Variants in GRIN2A observed in about 807,000 individuals in gnomAD.
GRIN2A encodes glutamate receptor ionotropic, NMDA 2A.
A neutral mutation model predicts 113.4 loss-of-function variants in GRIN2A; 22 were observed. The ratio of observed to expected loss-of-function variants is 0.19; its 90% CI spans 0.14 to 0.28. The LOEUF (loss-of-function observed/expected upper bound fraction) is 0.28, where lower values mean the gene tolerates loss of function less well. GRIN2A is among the 10% of genes least tolerant of loss of function. The pLI, the probability that GRIN2A is intolerant of heterozygous loss-of-function variation, is 1.00. For missense variants in GRIN2A, 1,502 were observed against 1,887.0 expected (o/e 0.80, Z 3.78); for synonymous variants, 827 against 738.4 (o/e 1.12, Z -1.94).
At chr16:9,972,480 T>A (rs2045692031) in intron 2 of GRIN2A, among the ~76,000 whole-genome samples, 1 of 152,044 alleles carries the variant, frequency 6.6e-6, no homozygotes, top group Non-Finnish European at 1.5e-5. Flanking sequence ...GATCCAGGTG[T>A]TAAAGCAGCT....
intron 5 of GRIN2A, among the ~76,000 whole-genome samples, chr16:9,845,576 C>T (rs911631929): frequency 6.6e-6 from 1 of 152,126 alleles, no homozygotes; most frequent in African/African-American, 2.4e-5. Context: ...CACATCATCC[C>T]CTCCATCCTC....
At chr16:10,100,087 G>A (rs529287630) in intron 2 of GRIN2A, among the ~76,000 whole-genome samples, 1 of 152,324 alleles carries the variant, frequency 6.6e-6, no homozygotes, top group South Asian at 2.1e-4. Context: ...GACAGGTGAA[G>A]GGGGGACATG....
chr16:10,055,412 A>C (rs1411109024), intron 2 of GRIN2A, among the ~76,000 whole-genome samples: 1 of 152,198 alleles, frequency 6.6e-6, no homozygotes, highest in African/African-American at 2.4e-5. Context: ...GCATGTCTGA[A>C]ATATTCCACC....
intron 2 of GRIN2A, among the ~76,000 whole-genome samples, chr16:10,074,942 G>A (rs868664676): frequency 6.6e-6 from 1 of 152,074 alleles, no homozygotes; most frequent in East Asian, 1.9e-4. Flanking sequence ...ATTTCTCCTT[G>A]CTGGCCTAAG....
intron 10 of GRIN2A, among the ~76,000 whole-genome samples, chr16:9,799,608 T>C (rs1428318078): frequency 6.6e-6 from 1 of 152,242 alleles, no homozygotes; most frequent in Non-Finnish European, 1.5e-5. Context: ...TAAAATGTTA[T>C]TTAGGAAAAC....
chr16:9,757,625 A>G lies in GRIN2A; in HGVS notation c.*5524T>C, dbSNP rs185904928. ...TAAAGTGGACATTCAGTGAAGTCCT[A>G]TTAGCTGGTCAATGTGCTTGGTTCT... On this transcript the variant is annotated 3_prime_UTR_variant, in exon 13 of 13. Transcript: ENST00000330684. 9.9e-5 allele frequency: 22 copies of G among 222,634 alleles called. No homozygotes were observed. The highest frequency in any genetic ancestry group is 4.9e-4 in the African/African-American group (22 of 44,874). The allele number at this position is 222,634 out of a possible 1,614,324, so 13.8% of individuals were successfully genotyped here.
intron 2 of GRIN2A, among the ~76,000 whole-genome samples, chr16:10,055,742 C>G (rs564406991): frequency 8.5e-5 from 13 of 152,218 alleles, no homozygotes; most frequent in Non-Finnish European, 1.3e-4. Flanking sequence ...CCAATGTAGC[C>G]CAAATTTAGG....
intron 10 of GRIN2A, among the ~76,000 whole-genome samples, chr16:9,813,538 C>A (rs1201386672): frequency 1.9e-4 from 25 of 131,614 alleles, no homozygotes; most frequent in Non-Finnish European, 3.3e-4. Flanking sequence ...TTTTTTCCGT[C>A]TCTGAGTTTA....
At chr16:9,954,861 GTCC>G (rs1249977604) in intron 2 of GRIN2A, among the ~76,000 whole-genome samples, 1 of 152,156 alleles carries the variant, frequency 6.6e-6, no homozygotes, top group African/African-American at 2.4e-5. Context: ...ATGAGTCAAA[GTCC>G]TCCTTTCTCC....
At position 10,155,370 on chromosome 16, in the gene GRIN2A, T is replaced by A. The variant is rs1192949337; in HGVS notation, c.414+24628A>T. Among the ~76,000 whole-genome samples the A allele has an allele frequency of 2.6e-5, 4 of 152,252 alleles. No homozygotes were observed. In the East Asian group the frequency reaches 5.8e-4, roughly 22 times the overall value. On this transcript the variant is annotated intron_variant, in intron 2 of 12. Transcript: ENST00000330684. ...TTCATCAGCACCAGTAATCAACATC[T>A]GATGGGCCAGGAGACCCATGGGACT...
rs1555469303 is a variant in GRIN2A at position 10,039,813 on chromosome 16, A to AGAGAGAGAGAGAGAGAGAGAGAG, written c.415-101263_415-101262insCTCTCTCTCTCTCTCTCTCTCTC. The stretch of plus-strand genomic sequence containing the variant: ...GAGGGGGAGGGGGAGGGGGGGGAGA[A>AGAGAGAGAGAGAGAGAGAGAGAG]AGAGAGAGAGAGAGAGAGAGAGGAG... On this transcript the variant is annotated intron_variant, in intron 2 of 12. Coordinates refer to ENST00000330684, the MANE Select transcript of GRIN2A (RefSeq NM_001134407.3). 1.6e-3 allele frequency among the ~76,000 whole-genome samples: 119 copies of AGAGAGAGAGAGAGAGAGAGAGAG among 73,570 alleles called. 4 individuals carry two copies. Among genetic ancestry groups the AGAGAGAGAGAGAGAGAGAGAGAG allele is most frequent in the Non-Finnish European group, 2.0e-3 (81 of 39,622 alleles). 48.3% of individuals were successfully genotyped at this position (73,570 alleles called of 152,430 possible). A position where few individuals can be genotyped will look rare whatever the true frequency, so the allele number is the denominator to read the frequency against.
intron 2 of GRIN2A, among the ~76,000 whole-genome samples, chr16:10,098,433 C>T (rs2048335348): frequency 6.6e-6 from 1 of 152,208 alleles, no homozygotes; most frequent in African/African-American, 2.4e-5. Context: ...TACCATTTGG[C>T]ACAGCAATCC....
intron 2 of GRIN2A, among the ~76,000 whole-genome samples, chr16:9,941,829 AC>A (rs200970739): frequency 0.011 from 1,740 of 152,232 alleles, 17 homozygotes; most frequent in Middle Eastern, 0.02. Context: ...ATTTAATGCC[AC>A]CCCCAACCAC....
chr16:9,764,384 C>G lies in GRIN2A; in HGVS notation c.3160G>C (p.Glu1054Gln). 1 of 1,614,170 alleles carries G rather than the reference C, an allele frequency of 6.2e-7. No individual in the cohort carries two copies. Among genetic ancestry groups the G allele is most frequent in the Non-Finnish European group, 8.5e-7 (1 of 1,180,024 alleles). The change falls in exon 13 of 13, where the codon GAA (glutamate) becomes CAA (glutamine). Residue 1054 changes from glutamate (E) to glutamine (Q), a missense_variant. Around this residue, in one of 7 missense-constraint regions of GRIN2A, gnomAD observed 832 missense variants for 789.7 expected, o/e 1.05. Transcript: ENST00000330684. The part of the protein sequence containing the change: ...HSLKSPRYLP[E>Q]EMAHSDISET... ...GAAATGTCAGAGTGGGCCATCTCTT[C>G]TGGAAGATACCTAGGGCTCTTTAGG... is the stretch of plus-strand genomic sequence containing the variant.
Position 9,764,571 on chromosome 16 carries a change from G to A in GRIN2A, c.2973C>T (p.Ser991=), listed in dbSNP as rs2141135592. The A allele has an allele frequency of 6.2e-7, 1 of 1,613,938 alleles. No homozygotes were observed. Among genetic ancestry groups the A allele is most frequent in the African/African-American group, 1.3e-5 (1 of 75,036 alleles). ...QGQHPLTLNE[S]NPNTVEVAVS... ...CGGCCACCTCCACCGTGTTAGGGTT[G>A]GACTCATTGAGAGTAAGAGGATGTT... The change falls in exon 13 of 13, where the codon TCC becomes TCT. Residue 991 remains serine (S), a synonymous_variant. Transcript: ENST00000330684.
intron 11 of GRIN2A, among the ~76,000 whole-genome samples, chr16:9,797,029 C>G (rs1013036433): frequency 1.4e-4 from 21 of 152,194 alleles, no homozygotes; most frequent in Admixed American, 3.9e-4. Context: ...TAGGATTTAA[C>G]TCTGTGAATA....
chr16:9,775,804 G>C (rs1901563057), intron 11 of GRIN2A, among the ~76,000 whole-genome samples: 1 of 152,182 alleles, frequency 6.6e-6, no homozygotes, highest in Admixed American at 6.5e-5. Context: ...TGTTTCTCCA[G>C]TCATGGCCCC....
At chr16:9,864,542 G>T (rs556772220) in intron 4 of GRIN2A, among the ~76,000 whole-genome samples, 1 of 152,080 alleles carries the variant, frequency 6.6e-6, no homozygotes, top group Non-Finnish European at 1.5e-5. Context: ...AAGGAAGCAC[G>T]AGACTTCAAT....
chr16:9,851,653 G>C (rs2042884458), intron 4 of GRIN2A, among the ~76,000 whole-genome samples: 1 of 152,192 alleles, frequency 6.6e-6, no homozygotes, highest in Non-Finnish European at 1.5e-5. Flanking sequence ...TCGAGAGAGG[G>C]TGGGTAGTTC....
Sources: allele counts gnomAD v4.1 joint callset (sites outside exome capture counted in the v4.1 genomes callset), GRCh38; gene constraint gnomAD v4.1.1; regional missense constraint gnomAD v4.1.1; transcripts MANE v1.5; gene names NCBI Gene and HGNC (gene_info 2026-07-23, HGNC 2026-07-21).